The following CASKIN1 variants were observed in gnomAD, a reference collection of about 807,000 sequenced individuals.
The protein encoded by CASKIN1 is CASK interacting protein 1.
In CASKIN1, 42 loss-of-function variants were observed where a neutral mutation model predicts 117.5. The observed-to-expected ratio is 0.36, with a 90% CI of 0.28 to 0.46. CASKIN1 has a LOEUF of 0.46. Among genes scored for constraint, CASKIN1 ranks in the 20% least tolerant of loss-of-function variants. The pLI is 1.00. For synonymous variants in CASKIN1, 1,148 were observed against 961.7 expected, an observed-to-expected ratio of 1.19 and a Z score of -3.59; for missense variants, 2,083 against 2,077.3, an observed-to-expected ratio of 1.00 and a Z score of -0.05.
In CASKIN1 at chr16:2,183,828, C is replaced by T. The variant is rs767639800; in HGVS notation, c.1527+3G>A. 1 of 1,612,532 alleles carries T rather than the reference C, an allele frequency of 6.2e-7. No homozygotes were observed. The highest frequency in any genetic ancestry group is 1.1e-5 in the South Asian group (1 of 91,046). The stretch of plus-strand genomic sequence containing the variant: ...TGGCGCTGGCGGCGCATGGAAAGCT[C>T]ACCTCGGGAGTCATGCGGCTGATGG... On this transcript the variant is annotated splice_donor_region_variant and intron_variant, in intron 15 of 19. Transcript: ENST00000343516.
chr16:2,183,992 G>A, intron 14 of CASKIN1, 51 bp from the exon 15 acceptor site: 1 of 1,279,398 alleles, frequency 7.8e-7, no homozygotes, highest in Non-Finnish European at 1.1e-6. Context: ...GCCGCGCCCT[G>A]CCACCACAGT....
rs1051559963 is a variant in CASKIN1 at position 2,182,015 on chromosome 16, C to T, written c.1630-86G>A. 1.2e-5 allele frequency: 19 copies of T among 1,581,036 alleles called. No individual in the cohort carries two copies. Among genetic ancestry groups the T allele is most frequent in the Admixed American group, 1.0e-4 (6 of 59,164 alleles). ...CTGGAGCTGGAGGAGGAAGGGTCAC[C>T]GGGCCAGCAGGGCACAGACAGACAG... On this transcript the variant is annotated intron_variant, in intron 16 of 19. Coordinates refer to ENST00000343516, the MANE Select transcript of CASKIN1 (RefSeq NM_020764.4). The surrounding 1 kb of genome is among the most constrained non-coding windows in gnomAD (Gnocchi z 4.1).
rs1194979976 is a variant in CASKIN1, at chr16:2,183,824, A to G, written c.1527+7T>C. On this transcript the variant is annotated splice_region_variant and intron_variant, in intron 15 of 19. Coordinates refer to ENST00000343516, the MANE Select transcript of CASKIN1 (RefSeq NM_020764.4). ...CAGCTGGCGCTGGCGGCGCATGGAA[A>G]GCTCACCTCGGGAGTCATGCGGCTG... 3 of 1,612,244 alleles carry G rather than the reference A, an allele frequency of 1.9e-6. No individual in the cohort carries two copies. Among genetic ancestry groups the G allele is most frequent in the Non-Finnish European group, 2.5e-6 (3 of 1,179,150 alleles).
chr16:2,181,837 G>A lies in CASKIN1; in HGVS notation c.1722C>T (p.Thr574=), dbSNP rs369097131. The A allele has an allele frequency of 2.5e-5, 40 of 1,613,722 alleles. No individual in the cohort carries two copies. In the African/African-American group the frequency reaches 3.2e-4, roughly 13 times the overall value. Reference sequence around the variant, plus strand: ...CCTGCAGGTCCTCCCAGGTGATGTCGGTGATGAAATCAATGTTCTCGTAGC... The same window carrying A: ...CCTGCAGGTCCTCCCAGGTGATGTCAGTGATGAAATCAATGTTCTCGTAGC... ...DNGYENIDFI[T]DITWEDLQEI... The change falls in exon 17 of 20, where the codon ACC becomes ACT. Residue 574 remains threonine, a synonymous_variant. Transcript: ENST00000343516.
chr16:2,179,593 C>G lies in CASKIN1; in HGVS notation c.3775G>C (p.Glu1259Gln). ...CTTCACCCCACCCTGGCTGGCCTACCTGGGCTGCCAGGGCCTGGCAGCGGC... is the reference window on the plus strand; with the variant it reads ...CTTCACCCCACCCTGGCTGGCCTACGTGGGCTGCCAGGGCCTGGCAGCGGC... Reference protein sequence around the residue: ...KVPLPGPGSPEVKRAHGTPPP... With the variant: ...KVPLPGPGSPQVKRAHGTPPP... Residue 1259 changes from glutamate to glutamine, a missense_variant and splice_region_variant, in exon 18 of 20, where the codon GAG (glutamate) becomes CAG (glutamine). Around this residue, in one of 3 missense-constraint regions of CASKIN1, gnomAD observed 1,818 missense variants for 1,688.9 expected, o/e 1.08. Coordinates refer to ENST00000343516, the MANE Select transcript of CASKIN1 (RefSeq NM_020764.4). The surrounding 1 kb of genome is among the most constrained non-coding windows in gnomAD (Gnocchi z 5.8). 1 of 1,442,820 alleles carries G rather than the reference C, an allele frequency of 6.9e-7. No individual in the cohort carries two copies. The highest frequency in any genetic ancestry group is 9.1e-7 in the Non-Finnish European group (1 of 1,104,034). The allele number at this position is 1,442,820 out of a possible 1,614,324, so 89.4% of individuals were successfully genotyped here.
rs369936813 is a variant in CASKIN1, at chr16:2,185,117, G to A, written c.1233C>T (p.Gly411=). ...TGGCCACTACCCCACCTACCTTGAC[G>A]CCTTCAGAGCCCGCGTGTAGGGCGT... is the stretch of plus-strand genomic sequence containing the variant. The part of the protein sequence containing the change: ...GGHALHAGSE[G]VKLLATVLSQ... Residue 411 remains glycine (G), a synonymous_variant, in exon 12 of 20, where the codon GGC becomes GGT. Coordinates refer to ENST00000343516, the MANE Select transcript of CASKIN1 (RefSeq NM_020764.4). 73 of 1,608,960 alleles carry A rather than the reference G, an allele frequency of 4.5e-5. No individual in the cohort carries two copies. The highest frequency in any genetic ancestry group is 1.6e-4 in the Middle Eastern group (1 of 6,074).
At position 2,196,267 on chromosome 16, in the gene CASKIN1, C is replaced by G. The variant is rs1283477726; in HGVS notation, c.94+72G>C. 2 of 613,798 alleles carry G rather than the reference C, an allele frequency of 3.3e-6. No individual in the cohort carries two copies. Among genetic ancestry groups the G allele is most frequent in the African/African-American group, 4.0e-5 (2 of 49,848 alleles). 38.0% of individuals were successfully genotyped at this position (613,798 alleles called of 1,614,324 possible). On this transcript the variant is annotated intron_variant, in intron 1 of 19. Coordinates refer to ENST00000343516, the MANE Select transcript of CASKIN1 (RefSeq NM_020764.4). This position sits in a 1 kb window ranked among gnomAD's most constrained non-coding sequence, Gnocchi z 5.7. ...GACAACGTCCCCTCCCCGCCCGGCG[C>G]CGGGTGGGGGGCTCCGCGCCGGGGA...
chr16:2,183,066 C>T (rs1486583179), intron 16 of CASKIN1, among the ~76,000 whole-genome samples: 2 of 152,210 alleles, frequency 1.3e-5, no homozygotes, highest in African/African-American at 4.8e-5. Context: ...GGATTACAGG[C>T]GTGAGCCACC....
intron 3 of CASKIN1, 35 bp from the exon 4 acceptor site, chr16:2,189,599 G>A: frequency 5.7e-6 from 9 of 1,565,404 alleles, no homozygotes; most frequent in Non-Finnish European, 7.8e-6. Context: ...GCTGACCCTT[G>A]ACCCCAAACC....
At chr16:2,187,760 C>T (rs26834) in intron 6 of CASKIN1, among the ~76,000 whole-genome samples, 151,366 of 152,226 alleles carry the variant, frequency 0.99, 75,256 homozygotes, top group East Asian at 1. Context: ...TAGCTGGGAT[C>T]ACAGGCACCT....
chr16:2,178,380 C>A lies in CASKIN1; in HGVS notation c.*170G>T. On this transcript the variant is annotated 3_prime_UTR_variant, in exon 20 of 20. Transcript: ENST00000343516. ...GTCTGCCTAGAGCCCTTGGAGCCCC[C>A]GGCCAGGCGGTCCCCGGTGGGCGCC... 2 of 468,046 alleles carry A rather than the reference C, an allele frequency of 4.3e-6. No homozygotes were observed. The highest frequency in any genetic ancestry group is 6.0e-5 in the South Asian group (2 of 33,254). The allele number at this position is 468,046 out of a possible 1,614,324, so 29.0% of individuals were successfully genotyped here.
Position 2,180,491 on chromosome 16 carries a change from A to C in CASKIN1, c.2877T>G (p.Ser959Arg), listed in dbSNP as rs2093163810. 2 of 1,550,402 alleles carry C rather than the reference A, an allele frequency of 1.3e-6. No individual in the cohort carries two copies. Among genetic ancestry groups the C allele is most frequent in the Non-Finnish European group, 8.7e-7 (1 of 1,154,354 alleles). ...PPKRSSSALA[S>R]ANLADEPVPD... ...GCACCGGCTCATCCGCCAGGTTGGC[A>C]CTAGCCAGGGCCGAGCTGGAGCGCT... Residue 959 changes from serine (S) to arginine (R), a missense_variant, in exon 18 of 20, where the codon AGT becomes AGG. Ser to Arg is a moderately radical substitution (Grantham distance 110, BLOSUM62 -1). Around this residue, in one of 3 missense-constraint regions of CASKIN1, gnomAD observed 1,818 missense variants for 1,688.9 expected, o/e 1.08. Coordinates refer to ENST00000343516, the MANE Select transcript of CASKIN1 (RefSeq NM_020764.4).
At chr16:2,193,982 G>C (rs1032520860) in intron 1 of CASKIN1, among the ~76,000 whole-genome samples, 3 of 151,930 alleles carry the variant, frequency 2.0e-5, no homozygotes, top group African/African-American at 7.3e-5. Context: ...GGGCCAGGAT[G>C]AAAGTCCAGG....
At chr16:2,190,046 C>T (rs1432581890) in intron 3 of CASKIN1, 27 bp downstream of exon 3, 1 of 1,600,810 alleles carries the variant, frequency 6.2e-7, no homozygotes, top group Non-Finnish European at 8.5e-7. Context: ...GCCCCTGCCC[C>T]CACCAGAGGC....
rs367863057 is a variant in CASKIN1, at chr16:2,185,116, C to T, written c.1234G>A (p.Val412Ile). ...GHALHAGSEG[V>I]KLLATVLSQK... is the part of the protein sequence containing the mutation. ...CTGGCCACTACCCCACCTACCTTGA[C>T]GCCTTCAGAGCCCGCGTGTAGGGCG... The change falls in exon 12 of 20, where the codon GTC (valine) becomes ATC (isoleucine). Residue 412 changes from valine (V) to isoleucine (I), a missense_variant. Transcript: ENST00000343516. 2.5e-5 allele frequency: 41 copies of T among 1,609,292 alleles called. No individual in the cohort carries two copies. The highest frequency in any genetic ancestry group is 1.1e-4 in the African/African-American group (8 of 75,054).
rs573333657 is a variant in CASKIN1 at position 2,178,422 on chromosome 16, G to A, written c.*128C>T. On this transcript the variant is annotated 3_prime_UTR_variant, in exon 20 of 20. Transcript: ENST00000343516. ...GTGGGCGCCCCGGCCCGGGTCCAGG[G>A]GCCGGAGTTGTGCTTCTGCAGGGCC... 2.7e-4 allele frequency: 174 copies of A among 651,552 alleles called. No individual in the cohort carries two copies. Among genetic ancestry groups the A allele is most frequent in the Non-Finnish European group, 3.7e-4 (159 of 425,624 alleles). The allele number at this position is 651,552 out of a possible 1,614,324, so 40.4% of individuals were successfully genotyped here.
chr16:2,178,174 C>T lies in CASKIN1; in HGVS notation c.*376G>A, dbSNP rs1056146117. Reference sequence around the variant, plus strand: ...GGCAGGGGGGCCCTGACCTTGGTCCCCTGTCCCTTGTGCTGCGCCCGAGCG... The same window carrying T: ...GGCAGGGGGGCCCTGACCTTGGTCCTCTGTCCCTTGTGCTGCGCCCGAGCG... On this transcript the variant is annotated 3_prime_UTR_variant, in exon 20 of 20. Coordinates refer to ENST00000343516, the MANE Select transcript of CASKIN1 (RefSeq NM_020764.4). 1.5e-5 allele frequency: 7 copies of T among 479,632 alleles called. No individual in the cohort carries two copies. Among genetic ancestry groups the T allele is most frequent in the East Asian group, 1.5e-4 (3 of 20,624 alleles). The allele number at this position is 479,632 out of a possible 1,614,324, so 29.7% of individuals were successfully genotyped here. A position where few individuals can be genotyped will look rare whatever the true frequency, so the allele number is the denominator to read the frequency against.
Position 2,181,119 on chromosome 16 carries a change from C to T in CASKIN1, c.2249G>A (p.Ser750Asn). The T allele has an allele frequency of 6.7e-7, 1 of 1,482,432 alleles. No homozygotes were observed. The highest frequency in any genetic ancestry group is 8.9e-7 in the Non-Finnish European group (1 of 1,125,080). 91.8% of individuals were successfully genotyped at this position (1,482,432 alleles called of 1,614,324 possible). A position where few individuals can be genotyped will look rare whatever the true frequency, so the allele number is the denominator to read the frequency against. Residue 750 changes from serine (S) to asparagine (N), a missense_variant, in exon 18 of 20, where the codon AGC becomes AAC. Transcript: ENST00000343516. The part of the protein sequence containing the change: ...REARPGRHGH[S>N]IKRASVPPVP... ...GGGGGGCACGCTGGCCCTCTTGATGCTGTGGCCGTGGCGGCCGGGCCGGGC... is the reference window on the plus strand; with the variant it reads ...GGGGGGCACGCTGGCCCTCTTGATGTTGTGGCCGTGGCGGCCGGGCCGGGC...
rs752369854 is a variant in CASKIN1, at chr16:2,181,136, G to C, written c.2232C>G (p.Pro744=). The C allele has an allele frequency of 6.8e-7, 1 of 1,478,956 alleles. No homozygotes were observed. The highest frequency in any genetic ancestry group is 8.9e-7 in the Non-Finnish European group (1 of 1,124,234). The allele number at this position is 1,478,956 out of a possible 1,614,324, so 91.6% of individuals were successfully genotyped here. A position where few individuals can be genotyped will look rare whatever the true frequency, so the allele number is the denominator to read the frequency against. ...TCTTGATGCTGTGGCCGTGGCGGCC[G>C]GGCCGGGCCTCCCTGGGCGGGGTGC... ...APGTPPREAR[P]GRHGHSIKRA... is the part of the protein sequence containing the mutation. The change falls in exon 18 of 20, where the codon CCC becomes CCG. Residue 744 remains proline (P), a synonymous_variant. Transcript: ENST00000343516.
Sources: allele counts gnomAD v4.1 joint callset (sites outside exome capture counted in the v4.1 genomes callset), GRCh38; gene constraint gnomAD v4.1.1; regional missense constraint gnomAD v4.1.1; non-coding constraint Gnocchi (gnomAD v3.1); transcripts MANE v1.5; gene names NCBI Gene and HGNC (gene_info 2026-07-23, HGNC 2026-07-21).